The following CPNE8 variants were observed in gnomAD, a reference collection of about 807,000 sequenced individuals.
CPNE8 encodes the protein copine 8.
A neutral mutation model predicts 81.5 loss-of-function variants in CPNE8; 45 were observed. The observed-to-expected ratio is 0.55, with a 90% confidence interval of 0.44 to 0.71. The LOEUF is 0.71. Among genes scored for constraint, CPNE8 ranks in the 30% least tolerant of loss-of-function variants. The pLI is 0.00. For missense variants in CPNE8, 594 were observed against 672.1 expected (o/e 0.88, Z 1.28); for synonymous variants, 252 against 226.3 (o/e 1.11, Z -1.02).
chr12:38,905,767 G>A, upstream of CPNE8: 15 of 1,394,140 alleles, frequency 1.1e-5, no homozygotes, highest in South Asian at 1.6e-5. Flanking sequence ...GTGGCGCGCG[G>A]GGATCCCGGT....
At chr12:38,665,071 T>G (rs1055133039) in intron 19 of CPNE8, among the ~76,000 whole-genome samples, 5 of 152,120 alleles carry the variant, frequency 3.3e-5, no homozygotes, top group Non-Finnish European at 4.4e-5. Context: ...CTTCAGAAAT[T>G]TCCTTTACCT....
chr12:38,713,394 C>G (rs1940309879), intron 13 of CPNE8, among the ~76,000 whole-genome samples: 1 of 152,064 alleles, frequency 6.6e-6, no homozygotes, highest in Non-Finnish European at 1.5e-5. Flanking sequence ...ATATAGAGTT[C>G]AGCTGAGACA....
At chr12:38,791,781 A>G (rs1942329265) in intron 6 of CPNE8, among the ~76,000 whole-genome samples, 1 of 151,718 alleles carries the variant, frequency 6.6e-6, no homozygotes, top group South Asian at 2.1e-4. Context: ...CAATGAATAT[A>G]CATTCTCTTC....
At position 38,653,854 on chromosome 12, in the gene CPNE8, T is replaced by C. The variant is rs746646479; in HGVS notation, c.*28A>G. On this transcript the variant is annotated 3_prime_UTR_variant, in exon 20 of 20. Transcript: ENST00000331366. ...GCATTAACTCAGCACTTTTGATTTG[T>C]AGTTGACATTAGCATTTCAGAGCAC... 51 of 1,602,944 alleles carry C rather than the reference T, an allele frequency of 3.2e-5. No homozygotes were observed. The highest frequency in any genetic ancestry group is 4.2e-5 in the Non-Finnish European group (49 of 1,176,508).
chr12:38,861,546 T>C (rs1028832185), intron 3 of CPNE8, among the ~76,000 whole-genome samples: 9 of 152,126 alleles, frequency 5.9e-5, no homozygotes, highest in African/African-American at 2.2e-4. Flanking sequence ...AAGTACTTAA[T>C]ATTATTTAAA....
chr12:38,788,088 G>T (rs151021996), intron 6 of CPNE8, among the ~76,000 whole-genome samples: 21 of 151,198 alleles, frequency 1.4e-4, no homozygotes, highest in African/African-American at 4.8e-4. Flanking sequence ...CAGAGAAGTA[G>T]GGAATAGGTC....
At chr12:38,712,228 A>C (rs1013655619) in intron 13 of CPNE8, among the ~76,000 whole-genome samples, 4 of 145,178 alleles carry the variant, frequency 2.8e-5, no homozygotes, top group African/African-American at 1.1e-4. Context: ...TTTTTTTAGA[A>C]GAGATCTTGC....
At chr12:38,670,522 G>A (rs540132138) in intron 19 of CPNE8, among the ~76,000 whole-genome samples, 6 of 152,062 alleles carry the variant, frequency 3.9e-5, no homozygotes, top group Non-Finnish European at 8.8e-5. Context: ...AGGGAAGCAT[G>A]AAAATACATA....
intron 13 of CPNE8, among the ~76,000 whole-genome samples, chr12:38,710,565 A>G (rs904999355): frequency 6.6e-6 from 1 of 152,206 alleles, no homozygotes; most frequent in African/African-American, 2.4e-5. Flanking sequence ...GTACTTGCAC[A>G]TAGCAAATAC....
chr12:38,852,559 G>A (rs1056784095), intron 3 of CPNE8, among the ~76,000 whole-genome samples: 10 of 152,082 alleles, frequency 6.6e-5, no homozygotes, highest in Admixed American at 1.3e-4. Context: ...CCAAGATCGC[G>A]CCATTGCATT....
chr12:38,828,913 A>T (rs1943242195), intron 6 of CPNE8, among the ~76,000 whole-genome samples: 1 of 152,174 alleles, frequency 6.6e-6, no homozygotes, highest in Non-Finnish European at 1.5e-5. Flanking sequence ...GGAATAGACC[A>T]TTCTTAGTGA....
At chr12:38,855,945 G>A (rs1943725974) in intron 3 of CPNE8, among the ~76,000 whole-genome samples, 1 of 151,568 alleles carries the variant, frequency 6.6e-6, no homozygotes, top group Non-Finnish European at 1.5e-5. Flanking sequence ...TAAAACAATG[G>A]ACAAGCCTTT....
In CPNE8 at chr12:38,717,517, T is replaced by C. The variant is rs1940435714; in HGVS notation, c.914+6255A>G. 6.3e-5 allele frequency among the ~76,000 whole-genome samples: 9 copies of C among 143,458 alleles called. No individual in the cohort carries two copies. The South Asian group carries it at 2.0e-3, about 32-fold the overall frequency. The allele number at this position is 143,458 out of a possible 152,430, so 94.1% of individuals were successfully genotyped here. ...ACAAAATAATGTCTTTTGCAGCAAA[T>C]TGGGTGCAGGTGGAGGTATTTATTC... On this transcript the variant is annotated intron_variant, in intron 13 of 19. Coordinates refer to ENST00000331366, the MANE Select transcript of CPNE8 (RefSeq NM_153634.3).
chr12:38,659,885 T>C (rs1938911641), intron 19 of CPNE8, among the ~76,000 whole-genome samples: 1 of 152,098 alleles, frequency 6.6e-6, no homozygotes, highest in Admixed American at 6.6e-5. Context: ...GAGAATAAAA[T>C]ATTTAGGAAT....
intron 14 of CPNE8, among the ~76,000 whole-genome samples, chr12:38,694,656 T>G (rs767721943): frequency 2.0e-5 from 3 of 152,224 alleles, no homozygotes; most frequent in South Asian, 4.1e-4. Flanking sequence ...GAAAGTGTAA[T>G]GTATTAATAT....
intron 3 of CPNE8, among the ~76,000 whole-genome samples, chr12:38,853,559 T>A (rs1034981864): frequency 6.6e-6 from 1 of 152,014 alleles, no homozygotes; most frequent in Non-Finnish European, 1.5e-5. Flanking sequence ...AGTATGAAAA[T>A]TTTCAGTTAT....
intron 5 of CPNE8, among the ~76,000 whole-genome samples, chr12:38,836,565 T>C (rs1389633238): frequency 3.3e-5 from 5 of 152,158 alleles, no homozygotes; most frequent in Admixed American, 6.5e-5. Context: ...TTATTACTAA[T>C]TCAAGGGGTC....
chr12:38,806,467 T>C (rs1210951079), intron 6 of CPNE8, among the ~76,000 whole-genome samples: 2 of 150,034 alleles, frequency 1.3e-5, no homozygotes, highest in Non-Finnish European at 3.0e-5. Context: ...TCAATAAATG[T>C]AATCCAGCAT....
chr12:38,708,636 A>G (rs1417982712), intron 13 of CPNE8, among the ~76,000 whole-genome samples: 1 of 152,210 alleles, frequency 6.6e-6, no homozygotes, highest in Non-Finnish European at 1.5e-5. Context: ...TCCTAGTACT[A>G]CTAAAATATG....
Sources: allele counts gnomAD v4.1 joint callset (sites outside exome capture counted in the v4.1 genomes callset), GRCh38; gene constraint gnomAD v4.1.1; transcripts MANE v1.5; gene names NCBI Gene and HGNC (gene_info 2026-07-23, HGNC 2026-07-21).